NMRK2: variants seen among roughly 807,000 people sequenced by gnomAD.
NMRK2 encodes the protein nicotinamide riboside kinase 2, also known as NRK 2.
Under a neutral mutation model 24.7 loss-of-function variants are expected in NMRK2, and 34 were observed. The ratio of observed to expected loss-of-function variants is 1.37; its 90% confidence interval spans 1.05 to 1.83. The LOEUF (loss-of-function observed/expected upper bound fraction) is 1.83, where lower values mean the gene tolerates loss of function less well. Among genes scored for constraint, NMRK2 ranks in the 40% most tolerant of loss-of-function variants. The pLI is 0.00. For synonymous variants in NMRK2, 145 were observed against 125.6 expected (o/e 1.15, Z -1.03); for missense variants, 341 against 315.0 (o/e 1.08, Z -0.62).
At chr19:3,934,153 T>C (rs145364194) in intron 2 of NMRK2, among the ~76,000 whole-genome samples, 1,690 of 151,394 alleles carry the variant, frequency 0.011, 30 homozygotes, top group African/African-American at 0.039. Context: ...GAGGCTGAGG[T>C]GGGAGAATCG....
chr19:3,934,553 GGT>G (rs1491389456), intron 2 of NMRK2, among the ~76,000 whole-genome samples: 5 of 60,960 alleles, frequency 8.2e-5, no homozygotes, highest in Non-Finnish European at 1.4e-4. Context: ...TGTTTTTTGG[GGT>G]TTTTTTTTTT....
rs2039230315 is a variant in NMRK2, at chr19:3,937,263, G to A, written c.141G>A (p.Gly47=). The change falls in exon 4 of 8, where the codon GGG becomes GGA. Residue 47 remains glycine, a synonymous_variant. Coordinates refer to ENST00000168977, the MANE Select transcript of NMRK2 (RefSeq NM_170678.3). ...AGCCCCAAGACCAAATAGCAGTTGG[G>A]GAAGACGGCTTCAAACAGTGGGACG... ...FFKPQDQIAV[G]EDGFKQWDVL... 1 of 1,613,140 alleles carries A rather than the reference G, an allele frequency of 6.2e-7. No individual in the cohort carries two copies. The highest frequency in any genetic ancestry group is 1.7e-5 in the Admixed American group (1 of 59,888).
intron 4 of NMRK2, among the ~76,000 whole-genome samples, chr19:3,938,276 C>G (rs111239608): frequency 2.7e-4 from 30 of 109,330 alleles, no homozygotes; most frequent in African/African-American, 9.0e-4. Flanking sequence ...CCCGCTCCCC[C>G]TCCACTATAC....
intron 3 of NMRK2, 145 bp downstream of exon 3, chr19:3,936,810 G>T: frequency 3.1e-6 from 2 of 640,862 alleles, no homozygotes; most frequent in Non-Finnish European, 2.7e-6. Context: ...TGGGGTCTCT[G>T]GGATAAACTG....
chr19:3,941,883 C>T (rs1039822132), intron 7 of NMRK2, among the ~76,000 whole-genome samples, 200 bp from the exon 8 acceptor site: 13 of 152,022 alleles, frequency 8.6e-5, no homozygotes, highest in Non-Finnish European at 1.6e-4. Context: ...CCTCGTGATC[C>T]GCCTGCCTCG....
chr19:3,940,335 C>CAA (rs978999079), intron 6 of NMRK2, among the ~76,000 whole-genome samples: 1,795 of 30,508 alleles, frequency 0.059, 143 homozygotes, highest in African/African-American at 0.13. Context: ...GACTCTGTCT[C>CAA]AAAAAAAAAA....
At position 3,937,222 on chromosome 19, in the gene NMRK2, C is replaced by G. The variant is rs1371042623; in HGVS notation, c.118-18C>G. The G allele has an allele frequency of 1.9e-6, 3 of 1,612,726 alleles. No individual in the cohort carries two copies. The highest frequency in any genetic ancestry group is 1.3e-5 in the African/African-American group (1 of 74,800). ...AGGACCGGGCACTGAGCCCGAGGTTCAGGCTCCTCTGTTTCAGCCCCAAGA... is the reference window on the plus strand; with the variant it reads ...AGGACCGGGCACTGAGCCCGAGGTTGAGGCTCCTCTGTTTCAGCCCCAAGA... On this transcript the variant is annotated intron_variant, in intron 3 of 7. Transcript: ENST00000168977.
At chr19:3,939,598 A>G (rs1183185088) in intron 5 of NMRK2, among the ~76,000 whole-genome samples, 1 of 152,106 alleles carries the variant, frequency 6.6e-6, no homozygotes, top group African/African-American at 2.4e-5. Context: ...CTGGAACCTC[A>G]GACTTCTCGG....
In NMRK2 at chr19:3,939,991, G is replaced by C; in HGVS notation, c.395+20G>C. 6.2e-7 allele frequency: 1 copy of C among 1,606,532 alleles called. No individual in the cohort carries two copies. Among genetic ancestry groups the C allele is most frequent in the African/African-American group, 1.3e-5 (1 of 74,834 alleles). Reference sequence around the variant, plus strand: ...GAGAAGGTGCACTTGGTGTCTGGGGGTGCGGTGGGCTCCTGAGGGCCCTGT... The same window carrying C: ...GAGAAGGTGCACTTGGTGTCTGGGGCTGCGGTGGGCTCCTGAGGGCCCTGT... On this transcript the variant is annotated intron_variant, in intron 6 of 7. Coordinates refer to ENST00000168977, the MANE Select transcript of NMRK2 (RefSeq NM_170678.3).
chr19:3,939,667 TTCTG>T (rs1424795466), intron 5 of NMRK2, among the ~76,000 whole-genome samples: 13 of 152,190 alleles, frequency 8.5e-5, no homozygotes, highest in African/African-American at 1.9e-4. Flanking sequence ...GAGCAAGACA[TTCTG>T]TCTGTCTGTG....
intron 4 of NMRK2, among the ~76,000 whole-genome samples, chr19:3,937,927 T>C (rs2039243435): frequency 1.0e-5 from 1 of 97,206 alleles, no homozygotes; most frequent in Non-Finnish European, 2.1e-5. Context: ...TCCCCCGGGG[T>C]CCACCCTCCT....
In NMRK2 at chr19:3,933,592, A is replaced by G; in HGVS notation, c.-80A>G. ...GCCAGGTTTTCTCAATGAAGCCGGG[A>G]CGCACTCCGGAGCGCACTGCGTGGT... On this transcript the variant is annotated 5_prime_UTR_variant, in exon 2 of 8. Transcript: ENST00000168977. 1 of 1,477,754 alleles carries G rather than the reference A, an allele frequency of 6.8e-7. No homozygotes were observed. Among genetic ancestry groups the G allele is most frequent in the African/African-American group, 1.4e-5 (1 of 69,042 alleles). 91.5% of individuals were successfully genotyped at this position (1,477,754 alleles called of 1,614,324 possible). A position where few individuals can be genotyped will look rare whatever the true frequency, so the allele number is the denominator to read the frequency against.
chr19:3,942,258 G>A lies in NMRK2; in HGVS notation c.678G>A (p.Gln226=). The A allele has an allele frequency of 6.2e-7, 1 of 1,609,562 alleles. No homozygotes were observed. The highest frequency in any genetic ancestry group is 8.5e-7 in the Non-Finnish European group (1 of 1,178,696). ...GHRTARPAAS[Q]QDSM ...GAACGGCCAGGCCTGCAGCGTCCCA[G>A]CAGGACAGCATGTGAGCGTTTCCCT... Residue 226 remains glutamine (Q), a synonymous_variant, in exon 8 of 8, where the codon CAG becomes CAA. Transcript: ENST00000168977.
intron 5 of NMRK2, 85 bp downstream of exon 5, chr19:3,938,844 GTTTTGTTTT>G: frequency 1.2e-5 from 2 of 171,460 alleles, no homozygotes; most frequent in Non-Finnish European, 1.6e-5. Flanking sequence ...TTTTTTTTTT[GTTTTGTTTT>G]TTTTTTTTTT....
rs141476437 is a variant in NMRK2, at chr19:3,942,149, C to G, written c.569C>G (p.Ser190Trp). ...FREVLEDIQNSLLNRSQESAP... is the reference protein window; with the variant it reads ...FREVLEDIQNWLLNRSQESAP... Reference sequence around the variant, plus strand: ...GAAGTCCTGGAAGACATTCAGAACTCGCTGCTGAACCGCTCCCAGGAATCA... The same window carrying G: ...GAAGTCCTGGAAGACATTCAGAACTGGCTGCTGAACCGCTCCCAGGAATCA... Residue 190 changes from serine to tryptophan, a missense_variant, in exon 8 of 8, where the codon TCG becomes TGG. Ser to Trp is a radical substitution (Grantham distance 177, BLOSUM62 -3). Transcript: ENST00000168977. 3 of 1,613,318 alleles carry G rather than the reference C, an allele frequency of 1.9e-6. No individual in the cohort carries two copies. The highest frequency in any genetic ancestry group is 2.2e-5 in the East Asian group (1 of 44,876).
intron 2 of NMRK2, 43 bp from the exon 3 acceptor site, chr19:3,936,532 T>TG (rs1215309494): frequency 3.4e-6 from 5 of 1,453,458 alleles, no homozygotes; most frequent in Non-Finnish European, 3.7e-6. Context: ...CTGACCTTCT[T>TG]GGGGGGAGCC....
At position 3,933,711 on chromosome 19, in the gene NMRK2, G is replaced by T. The variant is rs577080481; in HGVS notation, c.26+14G>T. The T allele has an allele frequency of 9.1e-6, 13 of 1,428,390 alleles. No homozygotes were observed. The African/African-American group carries it at 1.5e-4, about 16-fold the overall frequency. The allele number at this position is 1,428,390 out of a possible 1,614,324, so 88.5% of individuals were successfully genotyped here. On this transcript the variant is annotated intron_variant, in intron 2 of 7. Transcript: ENST00000168977. ...GGGCATCGGAGGGTGAGCGCCGGGGGACCTGGTGGGCGGCCCTGCGGGGCA... is the reference window on the plus strand; with the variant it reads ...GGGCATCGGAGGGTGAGCGCCGGGGTACCTGGTGGGCGGCCCTGCGGGGCA...
Position 3,938,768 on chromosome 19 carries a change from C to T in NMRK2, c.323+9C>T. 6.4e-7 allele frequency: 1 copy of T among 1,561,128 alleles called. No individual in the cohort carries two copies. The highest frequency in any genetic ancestry group is 8.7e-7 in the Non-Finnish European group (1 of 1,148,966). On this transcript the variant is annotated intron_variant, in intron 5 of 7. Coordinates refer to ENST00000168977, the MANE Select transcript of NMRK2 (RefSeq NM_170678.3). ...CTGCTCTACAGCTACAAGTAAACAT[C>T]TGCAGGCTCTGGCCCCAGGCATGGC...
rs1165126387 is a variant in NMRK2, at chr19:3,936,592, A to G, written c.44A>G (p.Lys15Arg). The G allele has an allele frequency of 2.6e-6, 4 of 1,563,614 alleles. No individual in the cohort carries two copies. The African/African-American group carries it at 5.4e-5, about 21-fold the overall frequency. ...VGIGGMTNGG[K>R]TTLTNSLLRA... Reference sequence around the variant, plus strand: ...CTCCCCAGCATGACCAACGGCGGCAAGACCACGCTGACCAACAGCCTGCTC... The same window carrying G: ...CTCCCCAGCATGACCAACGGCGGCAGGACCACGCTGACCAACAGCCTGCTC... The change falls in exon 3 of 8, where the codon AAG becomes AGG. Residue 15 changes from lysine to arginine, a missense_variant. Coordinates refer to ENST00000168977, the MANE Select transcript of NMRK2 (RefSeq NM_170678.3).
Sources: gnomAD v4.1 joint callset for allele counts (sites outside exome capture counted in the v4.1 genomes callset) on GRCh38, gnomAD v4.1.1 for gene constraint, MANE v1.5 for transcripts, NCBI Gene and HGNC (gene_info 2026-07-23, HGNC 2026-07-21) for gene names.